The following INTS9 variants were observed in gnomAD, a reference collection of about 807,000 sequenced individuals.
INTS9 encodes the protein integrator complex subunit 9.
A neutral mutation model predicts 79.7 loss-of-function variants in INTS9; 55 were observed. The observed-to-expected ratio is 0.69, with a 90% CI of 0.56 to 0.86. INTS9 has a LOEUF of 0.86. INTS9 is among the 40% of genes least tolerant of loss of function. The pLI is 0.00. For missense variants in INTS9, 721 were observed against 831.5 expected (o/e 0.87, Z 1.64); for synonymous variants, 319 against 325.2 (o/e 0.98, Z 0.20).
At chr8:28,770,936 C>T in intron 15 of INTS9, 46 bp downstream of exon 15, 1 of 1,364,510 alleles carries the variant, frequency 7.3e-7, no homozygotes, top group Non-Finnish European at 1.0e-6. Context: ...GGTCTGGTTT[C>T]TTGCTGGGGA....
At chr8:28,859,412 G>C (rs202073420) in intron 2 of INTS9, 24 bp downstream of exon 2, 2 of 1,611,710 alleles carry the variant, frequency 1.2e-6, no homozygotes, top group East Asian at 4.5e-5. Flanking sequence ...AGCTCATTTT[G>C]TCTTTGGCTG....
chr8:28,771,196 CA>C, intron 14 of INTS9, 116 bp from the exon 15 acceptor site: 1 of 856,862 alleles, frequency 1.2e-6, no homozygotes, highest in Non-Finnish European at 1.9e-6. Context: ...TAAAGGTAAA[CA>C]ATTTTTTTTT....
chr8:28,778,710 G>A (rs1005422952), intron 12 of INTS9, among the ~76,000 whole-genome samples: 10 of 152,296 alleles, frequency 6.6e-5, no homozygotes, highest in South Asian at 2.1e-4. Context: ...GACCTCGCTC[G>A]GTCCTAACTG....
rs139938031 is a variant in INTS9, at chr8:28,852,328, A to T, written c.138-2055T>A. On this transcript the variant is annotated intron_variant, in intron 2 of 16. Transcript: ENST00000521022. ...TTTTTTTTAAACTCTGGGAGTTTTTAAAAAAGTTTTTAAAATAAACTCTGG... is the reference window on the plus strand; with the variant it reads ...TTTTTTTTAAACTCTGGGAGTTTTTTAAAAAGTTTTTAAAATAAACTCTGG... Among the ~76,000 whole-genome samples, 1,384 of 151,720 alleles carry T rather than the reference A, an allele frequency of 9.1e-3. 51 individuals carry two copies. Among genetic ancestry groups the T allele is most frequent in the Admixed American group, 0.065 (996 of 15,288 alleles).
At chr8:28,827,286 G>A (rs1018171226) in intron 6 of INTS9, among the ~76,000 whole-genome samples, 5 of 152,000 alleles carry the variant, frequency 3.3e-5, no homozygotes, top group African/African-American at 1.2e-4. Context: ...TCTTTCCCAG[G>A]GCTCTGACAT....
chr8:28,806,389 C>T (rs1479829795), intron 8 of INTS9, among the ~76,000 whole-genome samples: 1 of 152,160 alleles, frequency 6.6e-6, no homozygotes, highest in Non-Finnish European at 1.5e-5. Flanking sequence ...AATATATGGA[C>T]TCCTGAGTAT....
intron 2 of INTS9, among the ~76,000 whole-genome samples, chr8:28,851,112 C>G (rs1807803013): frequency 6.6e-6 from 1 of 152,204 alleles, no homozygotes; most frequent in South Asian, 2.1e-4. Flanking sequence ...CAACAGGATT[C>G]CAAGTTGGAT....
At chr8:28,770,115 G>C (rs1802444945) in intron 15 of INTS9, 89 bp from the exon 16 acceptor site, 2 of 1,483,526 alleles carry the variant, frequency 1.3e-6, no homozygotes, top group Non-Finnish European at 1.8e-6. Flanking sequence ...AGACTATCCT[G>C]TCCTCACAGG....
intron 6 of INTS9, among the ~76,000 whole-genome samples, chr8:28,820,973 A>G (rs920368699): frequency 3.9e-5 from 6 of 152,234 alleles, no homozygotes; most frequent in African/African-American, 1.4e-4. Context: ...ACTAGAAACA[A>G]TGACTAATTT....
intron 14 of INTS9, among the ~76,000 whole-genome samples, chr8:28,773,505 A>G (rs1206923805): frequency 6.6e-6 from 1 of 151,196 alleles, no homozygotes; most frequent in African/African-American, 2.4e-5. Flanking sequence ...GAACTGTTAA[A>G]TTATGACAGA....
At chr8:28,838,375 G>C (rs1183792967) in intron 4 of INTS9, among the ~76,000 whole-genome samples, 2 of 151,974 alleles carry the variant, frequency 1.3e-5, no homozygotes, top group African/African-American at 4.8e-5. Flanking sequence ...CCCCAGATCT[G>C]CCCTTTTAAG....
chr8:28,853,945 T>G (rs1808000960), intron 2 of INTS9, among the ~76,000 whole-genome samples: 1 of 152,148 alleles, frequency 6.6e-6, no homozygotes, highest in Non-Finnish European at 1.5e-5. Flanking sequence ...GGTCTCGATC[T>G]CCTGACCTCG....
At chr8:28,811,299 T>A (rs1805118855) in intron 8 of INTS9, among the ~76,000 whole-genome samples, 1 of 152,078 alleles carries the variant, frequency 6.6e-6, no homozygotes, top group South Asian at 2.1e-4. Flanking sequence ...AATTTTTGTA[T>A]TTTTAGTAGA....
At chr8:28,832,933 A>G (rs1806581327) in intron 6 of INTS9, among the ~76,000 whole-genome samples, 2 of 152,062 alleles carry the variant, frequency 1.3e-5, no homozygotes, top group Non-Finnish European at 2.9e-5. Context: ...ACTGCACTCC[A>G]GCCTGGGAGA....
In INTS9 at chr8:28,781,953, T is replaced by C. The variant is rs141001414; in HGVS notation, c.1099-959A>G. ...TTTGGGCGAGAGTGACGTGTCAATG[T>C]GGGTTCATCAGCCGTAGCAAACGCA... On this transcript the variant is annotated intron_variant, in intron 11 of 16. Transcript: ENST00000521022. 2.8e-3 allele frequency among the ~76,000 whole-genome samples: 427 copies of C among 152,260 alleles called. 1 individual carries two copies. The highest frequency in any genetic ancestry group is 9.8e-3 in the African/African-American group (406 of 41,548).
In INTS9 at chr8:28,813,560, A is replaced by T. The variant is rs1267889892; in HGVS notation, c.541T>A (p.Cys181Ser). Reference protein sequence around the residue: ...DAVEVSTWRRCYTMQEVNSAL... With the variant: ...DAVEVSTWRRSYTMQEVNSAL... ...GAGTTCACCTCTTGCATTGTATAGC[A>T]TCTTCTCCAGGTTGAGACTTCCACT... The change falls in exon 7 of 17, where the codon TGC becomes AGC. Residue 181 changes from cysteine (C) to serine (S), a missense_variant. By Grantham distance (112) the Cys-to-Ser change is moderately radical (BLOSUM62 -1). Transcript: ENST00000521022. The T allele has an allele frequency of 6.2e-7, 1 of 1,613,778 alleles. No individual in the cohort carries two copies. Among genetic ancestry groups the T allele is most frequent in the Admixed American group, 1.7e-5 (1 of 60,024 alleles).
At chr8:28,780,519 G>A (rs890567385) in intron 12 of INTS9, 9 of 985,194 alleles carry the variant, frequency 9.1e-6, no homozygotes, top group East Asian at 2.3e-4. Context: ...AAACAACACC[G>A]TTACTGAATC....
chr8:28,786,425 G>C (rs1044920018), intron 11 of INTS9, among the ~76,000 whole-genome samples: 1 of 152,084 alleles, frequency 6.6e-6, no homozygotes, highest in African/African-American at 2.4e-5. Flanking sequence ...AGGGTAGCTA[G>C]AACTACAGGC....
intron 14 of INTS9, 53 bp downstream of exon 14, chr8:28,775,706 C>G: frequency 1.3e-6 from 2 of 1,591,266 alleles, no homozygotes; most frequent in Admixed American, 1.7e-5. Flanking sequence ...GCACGATCTC[C>G]AAGAGCCTCT....
Sources: gnomAD v4.1 joint callset for allele counts (sites outside exome capture counted in the v4.1 genomes callset) on GRCh38, gnomAD v4.1.1 for gene constraint, MANE v1.5 for transcripts, NCBI Gene and HGNC (gene_info 2026-07-23, HGNC 2026-07-21) for gene names.